Variants in PCBP2 observed in about 807,000 individuals in gnomAD.
PCBP2 encodes the protein poly(rC)-binding protein 2.
Under a neutral mutation model 50.1 loss-of-function variants are expected in PCBP2, and 4 were observed. The ratio of observed to expected loss-of-function variants is 0.08; its 90% CI spans 0.04 to 0.18. The LOEUF is 0.18. Ranked by LOEUF, PCBP2 falls within the 10% of genes least tolerant of loss-of-function variation. The probability of loss-of-function intolerance (pLI) is 1.00; values close to 1 mark genes in which losing one functional copy is unlikely to be tolerated. For missense variants in PCBP2, 161 were observed against 474.3 expected, an observed-to-expected ratio of 0.34 and a Z score of 6.14; for synonymous variants, 179 against 168.0, an observed-to-expected ratio of 1.07 and a Z score of -0.51.
intron 14 of PCBP2, chr12:53,475,549 C>CTTTTTTTTTTTTTTTTTTT (rs67600882): frequency 6.8e-6 from 1 of 146,292 alleles, no homozygotes; most frequent in Non-Finnish European, 1.5e-5. Flanking sequence ...GCTTCGTTAA[C>CTTTTTTTTTTTTTTTTTTT]TTTTTTTTTT....
chr12:53,474,605 G>A (rs1942451356), intron 14 of PCBP2, among the ~76,000 whole-genome samples: 1 of 152,168 alleles, frequency 6.6e-6, no homozygotes, highest in South Asian at 2.1e-4. Context: ...CATGAAGTAT[G>A]TGCCCTATGA....
At chr12:53,460,353 C>A in intron 6 of PCBP2, 1 of 383,846 alleles carries the variant, frequency 2.6e-6, no homozygotes, top group Non-Finnish European at 5.2e-6. Context: ...CTGTTTTGCT[C>A]AGGCTGGTCT....
Position 53,463,434 on chromosome 12 carries a change from T to C in PCBP2, c.579+867T>C, listed in dbSNP as rs531742490. Among the ~76,000 whole-genome samples, 4 of 152,024 alleles carry C rather than the reference T, an allele frequency of 2.6e-5. No homozygotes were observed. In the East Asian group the frequency reaches 7.7e-4, roughly 29 times the overall value. Reference sequence around the variant, plus strand: ...GATCAAAAGTATTCAGGGAAAAAAATGGGTGGTTGTATCTGTACTGAACAT... The same window carrying C: ...GATCAAAAGTATTCAGGGAAAAAAACGGGTGGTTGTATCTGTACTGAACAT... On this transcript the variant is annotated intron_variant, in intron 8 of 14. Coordinates refer to ENST00000546463, the MANE Select transcript of PCBP2 (RefSeq NM_031989.5).
At chr12:53,467,156 C>A (rs530596074) in intron 10 of PCBP2, 65 bp from the exon 11 acceptor site, 2 of 1,267,162 alleles carry the variant, frequency 1.6e-6, no homozygotes, top group South Asian at 1.3e-5. Context: ...TTTTCAAATT[C>A]GAATGTGCTT....
At chr12:53,462,468 T>G (rs1263910295) in intron 7 of PCBP2, 25 bp from the exon 8 acceptor site, 8 of 1,596,318 alleles carry the variant, frequency 5.0e-6, no homozygotes, top group Non-Finnish European at 6.8e-6. Context: ...TCTTTTTGTT[T>G]TTTTCCCCTC....
intron 14 of PCBP2, among the ~76,000 whole-genome samples, chr12:53,477,681 A>AC (rs1942706358): frequency 6.7e-6 from 1 of 150,060 alleles, no homozygotes; most frequent in Non-Finnish European, 1.5e-5. Flanking sequence ...AAAAAAAAAA[A>AC]AAAAAAAAAA....
intron 1 of PCBP2, 88 bp from the exon 2 acceptor site, chr12:53,454,638 G>A: frequency 3.2e-6 from 2 of 634,746 alleles, no homozygotes; most frequent in Admixed American, 2.5e-5. Flanking sequence ...AAAGTGTAAA[G>A]TAGAAAATAT....
At position 53,454,932 on chromosome 12, in the gene PCBP2, A is replaced by G. The variant is rs903064499; in HGVS notation, c.69+63A>G. 8 of 1,346,488 alleles carry G rather than the reference A, an allele frequency of 5.9e-6. No individual in the cohort carries two copies. The African/African-American group carries it at 1.1e-4, about 19-fold the overall frequency. The allele number at this position is 1,346,488 out of a possible 1,614,324, so 83.4% of individuals were successfully genotyped here. On this transcript the variant is annotated intron_variant, in intron 2 of 14. Coordinates refer to ENST00000546463, the MANE Select transcript of PCBP2 (RefSeq NM_031989.5). ...CTAGGGGAGGGGCCAGGAAGAGCAG[A>G]CATGCATCTTGGAGCTCATCAGATT...
intron 14 of PCBP2, among the ~76,000 whole-genome samples, chr12:53,477,556 C>T (rs868734428): frequency 6.8e-6 from 1 of 148,126 alleles, no homozygotes; most frequent in African/African-American, 2.5e-5. Context: ...GTCCCAGCAA[C>T]TCGGGAGGCT....
rs1161718544 is a variant in PCBP2, at chr12:53,454,769, T to C, written c.-32T>C. ...AACCAGTGACCAAAGACTTGACCAC[T>C]CAAAGTCCAGCTCCCCAGAACACTG... On this transcript the variant is annotated 5_prime_UTR_variant, in exon 2 of 15. Coordinates refer to ENST00000546463, the MANE Select transcript of PCBP2 (RefSeq NM_031989.5). The C allele has an allele frequency of 6.2e-7, 1 of 1,605,530 alleles. No homozygotes were observed. The highest frequency in any genetic ancestry group is 8.5e-7 in the Non-Finnish European group (1 of 1,172,290).
intron 5 of PCBP2, among the ~76,000 whole-genome samples, chr12:53,457,462 A>C (rs996547654): frequency 2.6e-5 from 4 of 151,888 alleles, no homozygotes; most frequent in African/African-American, 9.7e-5. Flanking sequence ...CTTCCCACCT[A>C]AGCCTACCCA....
chr12:53,464,149 G>T (rs751176331), intron 8 of PCBP2, among the ~76,000 whole-genome samples: 9 of 152,100 alleles, frequency 5.9e-5, no homozygotes, highest in Non-Finnish European at 1.0e-4. Flanking sequence ...TCTTTCCCAG[G>T]AACTCCAGGT....
At chr12:53,456,870 A>T (rs982882989) in intron 5 of PCBP2, among the ~76,000 whole-genome samples, 2 of 152,114 alleles carry the variant, frequency 1.3e-5, no homozygotes, top group Non-Finnish European at 2.9e-5. Flanking sequence ...CAGGCAGAGG[A>T]GTGCTGCTTC....
intron 9 of PCBP2, 161 bp downstream of exon 9, chr12:53,465,013 C>A: frequency 1.2e-6 from 1 of 838,818 alleles, no homozygotes; most frequent in Non-Finnish European, 1.6e-6. Flanking sequence ...TTCACCCAGG[C>A]CGCGTAGCCC....
At chr12:53,462,651 C>G in intron 8 of PCBP2, 84 bp downstream of exon 8, 1 of 1,083,738 alleles carries the variant, frequency 9.2e-7, no homozygotes. Context: ...CCAAGCCACT[C>G]TGCATGCTTG....
At chr12:53,477,606 C>T (rs988126065) in intron 14 of PCBP2, among the ~76,000 whole-genome samples, 2 of 124,740 alleles carry the variant, frequency 1.6e-5, no homozygotes, top group South Asian at 5.3e-4. Context: ...GCGGAGCTTG[C>T]AGTGAGCCGA....
intron 1 of PCBP2, among the ~76,000 whole-genome samples, chr12:53,453,590 A>AAC (rs1940749398): frequency 6.6e-6 from 1 of 152,206 alleles, no homozygotes; most frequent in Non-Finnish European, 1.5e-5. Flanking sequence ...GAGGAAAGTT[A>AAC]ACACAGTGGC....
At chr12:53,467,728 T>G (rs1941918822) in intron 11 of PCBP2, 77 bp from the exon 12 acceptor site, 2 of 1,169,632 alleles carry the variant, frequency 1.7e-6, no homozygotes, top group Admixed American at 4.3e-5. Context: ...TTTTTGGGGC[T>G]TTTCTGTATA....
chr12:53,455,427 C>G (rs1475054993), intron 3 of PCBP2, 34 bp from the exon 4 acceptor site: 1 of 1,613,640 alleles, frequency 6.2e-7, no homozygotes, highest in African/African-American at 1.3e-5. Flanking sequence ...ATTGAAGTAG[C>G]AGTTGGAGCT....
Sources: gnomAD v4.1 joint callset for allele counts (sites outside exome capture counted in the v4.1 genomes callset) on GRCh38, gnomAD v4.1.1 for gene constraint, MANE v1.5 for transcripts, NCBI Gene and HGNC (gene_info 2026-07-23, HGNC 2026-07-21) for gene names.